Variants in ANAPC10 observed in about 807,000 individuals in gnomAD.
The protein encoded by ANAPC10 is anaphase-promoting complex subunit 10.
In ANAPC10, 12 loss-of-function variants were observed where a neutral mutation model predicts 22.0. The observed-to-expected ratio is 0.55, with a 90% CI of 0.35 to 0.88. The LOEUF is 0.88. ANAPC10 is among the 40% of genes least tolerant of loss of function. ANAPC10 has a pLI of 0.01. For synonymous variants in ANAPC10, 65 were observed against 69.5 expected, an observed-to-expected ratio of 0.94 and a Z score of 0.32; for missense variants, 188 against 220.9, an observed-to-expected ratio of 0.85 and a Z score of 0.94.
chr4:145,047,276 C>G (rs1277912925), intron 4 of ANAPC10, among the ~76,000 whole-genome samples: 1 of 152,088 alleles, frequency 6.6e-6, no homozygotes, highest in Non-Finnish European at 1.5e-5. Flanking sequence ...GCTTAGGTCT[C>G]ACCCTTCTGT....
intron 4 of ANAPC10, among the ~76,000 whole-genome samples, chr4:145,015,543 G>A (rs898433123): frequency 9.2e-5 from 14 of 151,818 alleles, no homozygotes; most frequent in African/African-American, 3.1e-4. Context: ...AAAACTTCCT[G>A]GCCTTGCTAG....
At chr4:145,036,278 T>C (rs1479071484) in intron 4 of ANAPC10, among the ~76,000 whole-genome samples, 2 of 152,208 alleles carry the variant, frequency 1.3e-5, no homozygotes, top group East Asian at 3.9e-4. Flanking sequence ...CCTGATGTGT[T>C]ATAGCAGATA....
At position 145,037,490 on chromosome 4, in the gene ANAPC10, C is replaced by A. The variant is rs539205263; in HGVS notation, c.327+27082G>T. Among the ~76,000 whole-genome samples the A allele has an allele frequency of 9.9e-5, 15 of 152,098 alleles. No homozygotes were observed. In the South Asian group the frequency reaches 1.9e-3, roughly 19 times the overall value. On this transcript the variant is annotated intron_variant, in intron 4 of 4. Coordinates refer to ENST00000507656, the MANE Select transcript of ANAPC10 (RefSeq NM_001256706.2). ...AAAACTAGCCTTTAAGTAAACGTGT[C>A]AGAAATATATCTAAGAAAACAGGCT...
At chr4:145,076,885 A>C (rs552674020) in intron 3 of ANAPC10, among the ~76,000 whole-genome samples, 2 of 152,328 alleles carry the variant, frequency 1.3e-5, no homozygotes, top group Admixed American at 6.5e-5. Flanking sequence ...GGTTCTTCAA[A>C]TCAATTCAGC....
rs933694558 is a variant in ANAPC10, at chr4:145,015,655, A to T, written c.328-20052T>A. Among the ~76,000 whole-genome samples, 4 of 152,190 alleles carry T rather than the reference A, an allele frequency of 2.6e-5. 1 individual carries two copies. Among genetic ancestry groups the T allele is most frequent in the African/African-American group, 9.7e-5 (4 of 41,422 alleles). On this transcript the variant is annotated intron_variant, in intron 4 of 4. Transcript: ENST00000507656. The stretch of plus-strand genomic sequence containing the variant: ...ACTGTCATCAGGTAATGTAAAGTTA[A>T]GACAAAGGAAAGAATCTTAAGAGCT...
At chr4:145,087,265 A>G (rs933879885) in intron 2 of ANAPC10, among the ~76,000 whole-genome samples, 3 of 152,234 alleles carry the variant, frequency 2.0e-5, no homozygotes, top group African/African-American at 7.2e-5. Flanking sequence ...ATATTTGAGC[A>G]GCCCAGCTTA....
chr4:145,012,367 T>C (rs1257642664), intron 4 of ANAPC10, among the ~76,000 whole-genome samples: 1 of 151,778 alleles, frequency 6.6e-6, no homozygotes, highest in African/African-American at 2.4e-5. Context: ...AAAAGATTTT[T>C]CCAGTGTCTG....
intron 3 of ANAPC10, among the ~76,000 whole-genome samples, chr4:145,066,777 T>A (rs1488000463): frequency 1.4e-4 from 21 of 149,972 alleles, no homozygotes; most frequent in Admixed American, 1.1e-3. Context: ...TTTTCTGATT[T>A]AAAAAAAAAA....
intron 4 of ANAPC10, among the ~76,000 whole-genome samples, chr4:145,045,214 ATG>A (rs1158313655): frequency 6.6e-6 from 1 of 152,138 alleles, no homozygotes; most frequent in African/African-American, 2.4e-5. Flanking sequence ...ACTGTTTACT[ATG>A]TGACCAGGTA....
At chr4:145,036,528 T>A (rs1431627898) in intron 4 of ANAPC10, among the ~76,000 whole-genome samples, 1 of 152,146 alleles carries the variant, frequency 6.6e-6, no homozygotes, top group Non-Finnish European at 1.5e-5. Context: ...ACTATTTTTT[T>A]TAAGAGATTG....
chr4:145,080,137 A>C (rs1048376732), intron 3 of ANAPC10, among the ~76,000 whole-genome samples: 3 of 150,386 alleles, frequency 2.0e-5, no homozygotes, highest in Admixed American at 1.3e-4. Context: ...AAAAAAAAAA[A>C]ACACACATTG....
At chr4:145,006,632 C>A (rs760970351) in intron 4 of ANAPC10, among the ~76,000 whole-genome samples, 10 of 152,010 alleles carry the variant, frequency 6.6e-5, no homozygotes, top group African/African-American at 2.4e-4. Flanking sequence ...AAAAATAAAA[C>A]GACGATAATT....
chr4:145,086,735 C>T (rs1746956712), intron 2 of ANAPC10, among the ~76,000 whole-genome samples: 1 of 151,828 alleles, frequency 6.6e-6, no homozygotes, highest in African/African-American at 2.4e-5. Context: ...CCACTAGATG[C>T]CAATAGAAAC....
intron 2 of ANAPC10, among the ~76,000 whole-genome samples, chr4:145,095,578 C>T (rs968273120): frequency 2.6e-5 from 4 of 152,186 alleles, no homozygotes; most frequent in Non-Finnish European, 5.9e-5. Flanking sequence ...AGTAGCCTAA[C>T]ACTACATCAC....
intron 4 of ANAPC10, among the ~76,000 whole-genome samples, chr4:145,008,304 G>C (rs1213545587): frequency 1.3e-5 from 2 of 152,094 alleles, no homozygotes; most frequent in South Asian, 2.1e-4. Context: ...CCAATCAATA[G>C]AAAAAGAGGG....
chr4:145,075,866 T>TC (rs1361855508), intron 3 of ANAPC10, among the ~76,000 whole-genome samples: 3 of 152,230 alleles, frequency 2.0e-5, no homozygotes, highest in Non-Finnish European at 4.4e-5. Flanking sequence ...GGGATGCCTG[T>TC]CCCTTAAGGC....
At chr4:145,070,643 G>A (rs779466867) in intron 3 of ANAPC10, among the ~76,000 whole-genome samples, 24 of 152,188 alleles carry the variant, frequency 1.6e-4, no homozygotes, top group Non-Finnish European at 2.9e-4. Flanking sequence ...TCCACCTGTG[G>A]ATATATATCC....
At chr4:144,997,489 G>A (rs550998847) in intron 4 of ANAPC10, among the ~76,000 whole-genome samples, 1 of 152,268 alleles carries the variant, frequency 6.6e-6, no homozygotes, top group South Asian at 2.1e-4. Flanking sequence ...GCCAAACTAA[G>A]CTTCATAAGT....
chr4:145,058,833 A>G (rs1352207105), intron 4 of ANAPC10, among the ~76,000 whole-genome samples: 1 of 152,196 alleles, frequency 6.6e-6, no homozygotes, highest in East Asian at 1.9e-4. Context: ...TGATGCATAC[A>G]ATAATAAATA....
Sources: gnomAD v4.1 joint callset for allele counts (sites outside exome capture counted in the v4.1 genomes callset) on GRCh38, gnomAD v4.1.1 for gene constraint, MANE v1.5 for transcripts, NCBI Gene and HGNC (gene_info 2026-07-23, HGNC 2026-07-21) for gene names.